The following GPR158 variants were observed in gnomAD, a reference collection of about 807,000 sequenced individuals.
GPR158 encodes the protein G protein-coupled receptor 158, also known as metabotropic glycine receptor.
In GPR158, 30 loss-of-function variants were observed where a neutral mutation model predicts 78.2. That is an observed-to-expected ratio of 0.38 (90% CI 0.29 to 0.52). The LOEUF (loss-of-function observed/expected upper bound fraction) is 0.52, where lower values mean the gene tolerates loss of function less well. Ranked by LOEUF, GPR158 falls within the 20% of genes least tolerant of loss-of-function variation. The pLI, the probability that GPR158 is intolerant of heterozygous loss-of-function variation, is 0.83. For missense variants in GPR158, 1,463 were observed against 1,523.5 expected (o/e 0.96, Z 0.66); for synonymous variants, 581 against 591.1 (o/e 0.98, Z 0.25).
intron 2 of GPR158, among the ~76,000 whole-genome samples, chr10:25,390,089 T>G (rs1258614370): frequency 6.6e-6 from 1 of 152,184 alleles, no homozygotes; most frequent in Admixed American, 6.5e-5. Context: ...TCTTTTGCCC[T>G]CCATCATATT....
At chr10:25,333,295 A>G (rs985878604) in intron 2 of GPR158, among the ~76,000 whole-genome samples, 3 of 152,190 alleles carry the variant, frequency 2.0e-5, no homozygotes, top group African/African-American at 7.2e-5. Context: ...TCTTTATTAG[A>G]TAGGGATTTA....
intron 5 of GPR158, among the ~76,000 whole-genome samples, chr10:25,548,092 T>C (rs11014601): frequency 0.073 from 11,062 of 152,220 alleles, 901 homozygotes; most frequent in East Asian, 0.47. Context: ...CTAATCAGTT[T>C]TCAAATCATT....
chr10:25,259,404 T>C lies in GPR158; in HGVS notation c.1008+38247T>C, dbSNP rs1311751630. ...TTTCCCACTGATGTTCAGTGCCTGC[T>C]CTTTTGTATAATGTTTCCATATATG... is the stretch of plus-strand genomic sequence containing the variant. On this transcript the variant is annotated intron_variant, in intron 2 of 10. Transcript: ENST00000376351. Among the ~76,000 whole-genome samples, 5 of 152,192 alleles carry C rather than the reference T, an allele frequency of 3.3e-5. No homozygotes were observed. The South Asian group carries it at 6.2e-4, about 19-fold the overall frequency.
At chr10:25,225,058 T>C (rs564778311) in intron 2 of GPR158, among the ~76,000 whole-genome samples, 28 of 152,152 alleles carry the variant, frequency 1.8e-4, no homozygotes, top group Non-Finnish European at 3.1e-4. Context: ...TTCTCATGGA[T>C]TGTTAAAATG....
chr10:25,525,318 C>T (rs931704129), intron 5 of GPR158, among the ~76,000 whole-genome samples: 1 of 152,166 alleles, frequency 6.6e-6, no homozygotes, highest in African/African-American at 2.4e-5. Context: ...CACAAAAACA[C>T]TTACACATGA....
intron 2 of GPR158, among the ~76,000 whole-genome samples, chr10:25,284,573 C>T (rs1236041051): frequency 2.0e-5 from 3 of 151,604 alleles, no homozygotes; most frequent in Non-Finnish European, 4.4e-5. Flanking sequence ...TTTATTCAGT[C>T]TGACAATCTG....
Position 25,598,177 on chromosome 10 carries a change from T to C in GPR158, c.2551T>C (p.Ser851Pro). 6.2e-7 allele frequency: 1 copy of C among 1,614,052 alleles called. No homozygotes were observed. Among genetic ancestry groups the C allele is most frequent in the Non-Finnish European group, 8.5e-7 (1 of 1,180,000 alleles). ...EETTENSTLESLSGKKLTQKL... is the reference protein window; with the variant it reads ...EETTENSTLEPLSGKKLTQKL... ...GACAACAGAAAATTCCACACTGGAA[T>C]CCCTGTCGGGTAAAAAACTAACACA... is the stretch of plus-strand genomic sequence containing the variant. Residue 851 changes from serine to proline, a missense_variant, in exon 11 of 11, where the codon TCC (serine) becomes CCC (proline). Physicochemically the swap from Ser to Pro is moderately conservative, Grantham distance 74 (BLOSUM62 -1). Coordinates refer to ENST00000376351, the MANE Select transcript of GPR158 (RefSeq NM_020752.3).
intron 2 of GPR158, among the ~76,000 whole-genome samples, chr10:25,367,510 T>C (rs1855740990): frequency 6.6e-6 from 1 of 151,846 alleles, no homozygotes; most frequent in Non-Finnish European, 1.5e-5. Flanking sequence ...TATACAAAAT[T>C]TGGGCTTAGT....
chr10:25,192,405 T>A (rs1198315786), intron 1 of GPR158, among the ~76,000 whole-genome samples: 3 of 152,170 alleles, frequency 2.0e-5, no homozygotes, highest in Non-Finnish European at 4.4e-5. Context: ...ACTAATACAG[T>A]GTCTCTTGAA....
chr10:25,597,009 G>A (rs1837417348), intron 10 of GPR158, among the ~76,000 whole-genome samples: 1 of 152,134 alleles, frequency 6.6e-6, no homozygotes. Context: ...AGAATGCACA[G>A]GCCATTTCAA....
At chr10:25,391,519 C>A (rs1834297602) in intron 2 of GPR158, among the ~76,000 whole-genome samples, 1 of 152,108 alleles carries the variant, frequency 6.6e-6, no homozygotes, top group Non-Finnish European at 1.5e-5. Flanking sequence ...ATTTGACTGT[C>A]CTGCTGGATT....
chr10:25,251,754 C>T (rs960338567), intron 2 of GPR158, among the ~76,000 whole-genome samples: 7 of 148,114 alleles, frequency 4.7e-5, no homozygotes, highest in African/African-American at 1.7e-4. Context: ...GCATTTTTTC[C>T]TTCATTTCAA....
At chr10:25,396,602 C>T (rs1235069458) in intron 3 of GPR158, among the ~76,000 whole-genome samples, 1 of 151,936 alleles carries the variant, frequency 6.6e-6, no homozygotes, top group Non-Finnish European at 1.5e-5. Context: ...AGTTCAAAAC[C>T]AGCCTGGACA....
chr10:25,431,669 C>T (rs569578643), intron 4 of GPR158, among the ~76,000 whole-genome samples: 3 of 149,636 alleles, frequency 2.0e-5, no homozygotes, highest in Non-Finnish European at 3.0e-5. Flanking sequence ...CCATGGAATA[C>T]TATGCAGCCA....
Position 25,175,951 on chromosome 10 carries a change from C to G in GPR158, c.531C>G (p.Thr177=), listed in dbSNP as rs930985359. The G allele has an allele frequency of 1.9e-6, 3 of 1,613,498 alleles. No individual in the cohort carries two copies. The Admixed American group carries it at 5.0e-5, about 27-fold the overall frequency. The change falls in exon 1 of 11, where the codon ACC becomes ACG. Residue 177 remains threonine, a synonymous_variant. Transcript: ENST00000376351. The surrounding 1 kb of genome is among the most constrained non-coding windows in gnomAD (Gnocchi z 6.4). ...GEPSISRAAI[T]FSTDSLSAPA... is the part of the protein sequence containing the mutation. ...CCAGCATCTCCCGGGCGGCCATCAC[C>G]TTCAGCACCGATTCGCTGTCCGCAC...
At chr10:25,425,329 A>T (rs1189281839) in intron 4 of GPR158, among the ~76,000 whole-genome samples, 1 of 152,156 alleles carries the variant, frequency 6.6e-6, no homozygotes, top group African/African-American at 2.4e-5. Context: ...TTTTCAGCAC[A>T]TCCATGCCAA....
At chr10:25,375,494 A>G (rs1834065852) in intron 2 of GPR158, among the ~76,000 whole-genome samples, 1 of 151,194 alleles carries the variant, frequency 6.6e-6, no homozygotes, top group East Asian at 1.9e-4. Context: ...TTATAGTTTT[A>G]CCTTTTAAAT....
chr10:25,241,194 C>CT (rs1461547813), intron 2 of GPR158, among the ~76,000 whole-genome samples: 3 of 78,584 alleles, frequency 3.8e-5, no homozygotes, highest in African/African-American at 2.7e-4. Context: ...TCTTTCCTTT[C>CT]TTTCTTTCCT....
chr10:25,259,199 T>A (rs1477477394), intron 2 of GPR158, among the ~76,000 whole-genome samples: 1 of 152,196 alleles, frequency 6.6e-6, no homozygotes, highest in Non-Finnish European at 1.5e-5. Context: ...AACTGTACTT[T>A]ACTCTGCCAT....
Sources: allele counts gnomAD v4.1 joint callset (sites outside exome capture counted in the v4.1 genomes callset), GRCh38; gene constraint gnomAD v4.1.1; non-coding constraint Gnocchi (gnomAD v3.1); transcripts MANE v1.5; gene names NCBI Gene and HGNC (gene_info 2026-07-23, HGNC 2026-07-21).